Variants in EYS observed in about 807,000 individuals in gnomAD.
EYS encodes the protein EGF-like photoreceptor maintenance factor.
A neutral mutation model predicts 282.1 loss-of-function variants in EYS; 250 were observed. The observed-to-expected ratio is 0.89, with a 90% CI of 0.80 to 0.98. The LOEUF (loss-of-function observed/expected upper bound fraction) is 0.98, where lower values mean the gene tolerates loss of function less well. EYS is among the 50% of genes least tolerant of loss of function. The pLI, the probability that EYS is intolerant of heterozygous loss-of-function variation, is 0.00. For synonymous variants in EYS, 1,355 were observed against 1,282.9 expected, an observed-to-expected ratio of 1.06 and a Z score of -1.20; for missense variants, 4,016 against 3,709.0, an observed-to-expected ratio of 1.08 and a Z score of -2.15.
At chr6:64,531,549 G>GTTTATTTCATTTTATTTTAT in intron 26 of EYS, among the ~76,000 whole-genome samples, 1 of 124,142 alleles carries the variant, frequency 8.1e-6, no homozygotes, top group Middle Eastern at 4.0e-3. Context: ...ACCACGCCTG[G>GTTTATTTCATTTTATTTTAT]TTTATTTTAT....
chr6:64,005,996 T>C (rs1768328958), intron 33 of EYS, among the ~76,000 whole-genome samples: 1 of 152,234 alleles, frequency 6.6e-6, no homozygotes, highest in South Asian at 2.1e-4. Context: ...TTTTTTCTAA[T>C]TCTGTGAAGA....
intron 12 of EYS, among the ~76,000 whole-genome samples, chr6:65,284,208 G>A (rs1299471734): frequency 1.3e-5 from 2 of 152,184 alleles, no homozygotes; most frequent in East Asian, 1.9e-4. Flanking sequence ...GGAAGCTAAT[G>A]GCTACCAGAT....
intron 5 of EYS, among the ~76,000 whole-genome samples, chr6:65,432,109 A>T (rs1767909926): frequency 6.6e-6 from 1 of 152,296 alleles, no homozygotes; most frequent in East Asian, 1.9e-4. Flanking sequence ...AATATTACTC[A>T]TATTTGTAGA....
At chr6:64,576,666 A>C (rs976054855) in intron 26 of EYS, among the ~76,000 whole-genome samples, 15 of 152,094 alleles carry the variant, frequency 9.9e-5, no homozygotes, top group Admixed American at 6.6e-4. Flanking sequence ...TAAGCTTTCA[A>C]ACAAAATAAT....
chr6:65,660,150 G>T (rs1767955576), intron 1 of EYS, among the ~76,000 whole-genome samples: 1 of 151,754 alleles, frequency 6.6e-6, no homozygotes, highest in Admixed American at 6.6e-5. Flanking sequence ...AACCTTTTGA[G>T]CATTGAGTCC....
chr6:65,596,976 A>C (rs1219811663), intron 2 of EYS, among the ~76,000 whole-genome samples: 3 of 152,110 alleles, frequency 2.0e-5, no homozygotes, highest in African/African-American at 7.2e-5. Context: ...TTCAACAAAG[A>C]GAGAAGCCAG....
At chr6:64,628,808 A>AT (rs1360881058) in intron 22 of EYS, among the ~76,000 whole-genome samples, 2 of 152,236 alleles carry the variant, frequency 1.3e-5, no homozygotes, top group Non-Finnish European at 2.9e-5. Context: ...AGTTTAAAAA[A>AT]TTTTTAATAT....
chr6:65,526,558 C>T lies in EYS; in HGVS notation c.-332-30565G>A, dbSNP rs1353609201. Among the ~76,000 whole-genome samples, 29 of 152,296 alleles carry T rather than the reference C, an allele frequency of 1.9e-4. 1 individual carries two copies. Among genetic ancestry groups the T allele is most frequent in the Admixed American group, 1.8e-3 (27 of 15,306 alleles). On this transcript the variant is annotated intron_variant, in intron 2 of 42. Coordinates refer to ENST00000503581, the MANE Select transcript of EYS (RefSeq NM_001142800.2). ...GCTTGGCTCACGCCTGTAATCCCTG[C>T]GCTTTGGGAGGCCGAGGGGGGTGGA... is the stretch of plus-strand genomic sequence containing the variant.
At chr6:64,381,906 G>T (rs1487698439) in intron 29 of EYS, among the ~76,000 whole-genome samples, 1 of 152,146 alleles carries the variant, frequency 6.6e-6, no homozygotes, top group Non-Finnish European at 1.5e-5. Context: ...TACAGATGGT[G>T]TTCCTTTACT....
intron 22 of EYS, among the ~76,000 whole-genome samples, chr6:64,773,670 G>T (rs1773592188): frequency 6.6e-6 from 1 of 151,832 alleles, no homozygotes; most frequent in Non-Finnish European, 1.5e-5. Context: ...TAGTCTTTCT[G>T]ACTGTTGTGA....
In EYS at chr6:64,412,181, T is replaced by C. The variant is rs76141557; in HGVS notation, c.5928-23341A>G. 8.1e-3 allele frequency among the ~76,000 whole-genome samples: 1,236 copies of C among 152,092 alleles called. 19 individuals carry two copies. Among genetic ancestry groups the C allele is most frequent in the East Asian group, 0.049 (251 of 5,170 alleles). ...ATCAAAATTTTGCCTATACACAGAA[T>C]ATACATAATTTTCTAATATCCACAG... On this transcript the variant is annotated intron_variant, in intron 28 of 42. Coordinates refer to ENST00000503581, the MANE Select transcript of EYS (RefSeq NM_001142800.2).
intron 26 of EYS, among the ~76,000 whole-genome samples, chr6:64,569,147 TGAACTGACAGAA>T (rs1765645134): frequency 1.3e-5 from 2 of 151,162 alleles, no homozygotes; most frequent in African/African-American, 4.9e-5. Flanking sequence ...ATGACTTAGA[TGAACTGACAGAA>T]GTAGCCTTCG....
Position 64,757,230 on chromosome 6 carries a change from G to C in EYS, c.3443+56148C>G, listed in dbSNP as rs540560068. Reference sequence around the variant, plus strand: ...TGTGCTTCCTTATCATCTCCCCATAGAGGAATCCTTCTCCAACCTGAAAAG... The same window carrying C: ...TGTGCTTCCTTATCATCTCCCCATACAGGAATCCTTCTCCAACCTGAAAAG... On this transcript the variant is annotated intron_variant, in intron 22 of 42. Coordinates refer to ENST00000503581, the MANE Select transcript of EYS (RefSeq NM_001142800.2). Among the ~76,000 whole-genome samples the C allele has an allele frequency of 8.2e-4, 125 of 152,118 alleles. 1 individual carries two copies. Among genetic ancestry groups the C allele is most frequent in the African/African-American group, 2.9e-3 (119 of 41,504 alleles).
intron 26 of EYS, among the ~76,000 whole-genome samples, chr6:64,487,824 G>C (rs941341950): frequency 6.6e-5 from 10 of 150,946 alleles, no homozygotes; most frequent in Non-Finnish European, 1.5e-4. Context: ...TTTACTATGT[G>C]TTAGTGCTAG....
intron 14 of EYS, among the ~76,000 whole-genome samples, chr6:64,951,819 C>T (rs551812580): frequency 1.3e-4 from 20 of 151,554 alleles, no homozygotes; most frequent in South Asian, 6.2e-4. Flanking sequence ...TAAAAGAAAA[C>T]GAAATATGGG....
chr6:65,666,691 AT>A (rs1266596165), intron 1 of EYS, among the ~76,000 whole-genome samples: 1 of 151,578 alleles, frequency 6.6e-6, no homozygotes. Context: ...ATATTAAAAT[AT>A]TCTAAAATAT....
intron 12 of EYS, among the ~76,000 whole-genome samples, chr6:65,225,161 A>G (rs913515823): frequency 1.3e-5 from 2 of 151,684 alleles, no homozygotes; most frequent in Non-Finnish European, 2.9e-5. Context: ...TAGTTAGAAA[A>G]CTTTTCAATA....
chr6:64,978,948 A>G (rs1290963901), intron 14 of EYS, among the ~76,000 whole-genome samples: 1 of 151,890 alleles, frequency 6.6e-6, no homozygotes, highest in African/African-American at 2.4e-5. Context: ...GTTTCTTGAA[A>G]TGGAATCTAC....
At chr6:64,820,621 T>C (rs1764872184) in intron 21 of EYS, among the ~76,000 whole-genome samples, 1 of 152,146 alleles carries the variant, frequency 6.6e-6, no homozygotes. Context: ...GTGCTAATTG[T>C]TTTACATGCA....
Sources: allele counts gnomAD v4.1 joint callset (sites outside exome capture counted in the v4.1 genomes callset), GRCh38; gene constraint gnomAD v4.1.1; transcripts MANE v1.5; gene names NCBI Gene and HGNC (gene_info 2026-07-23, HGNC 2026-07-21).